POLR3E: variants seen among roughly 807,000 people sequenced by gnomAD.
POLR3E encodes the protein RNA polymerase III subunit E, also known as DNA-directed RNA polymerase III subunit RPC5.
In POLR3E, 41 loss-of-function variants were observed where a neutral mutation model predicts 96.6. That is an observed-to-expected ratio of 0.42 (90% CI 0.33 to 0.55). The LOEUF (loss-of-function observed/expected upper bound fraction) is 0.55. Ranked by LOEUF, POLR3E falls within the 20% of genes least tolerant of loss-of-function variation. The pLI is 0.06. For missense variants in POLR3E, 849 were observed against 952.1 expected (o/e 0.89, Z 1.43); for synonymous variants, 396 against 383.6 (o/e 1.03, Z -0.38).
chr16:22,332,063 C>G lies in POLR3E; in HGVS notation c.1948C>G (p.Arg650Gly). 6.2e-7 allele frequency: 1 copy of G among 1,613,176 alleles called. No individual in the cohort carries two copies. The highest frequency in any genetic ancestry group is 8.5e-7 in the Non-Finnish European group (1 of 1,179,570). Reference protein sequence around the residue: ...WESGDMSDQHRQVLLEIFSKN... With the variant: ...WESGDMSDQHGQVLLEIFSKN... The stretch of plus-strand genomic sequence containing the variant: ...TAACGTGTTTTTGCTACTAAAGCAT[C>G]GACAGGTTTTGCTTGAAATTTTTTC... Residue 650 changes from arginine (R) to glycine (G), a missense_variant, in exon 20 of 21, where the codon CGA becomes GGA. By Grantham distance (125) the Arg-to-Gly change is moderately radical. Coordinates refer to ENST00000299853, the MANE Select transcript of POLR3E (RefSeq NM_018119.4).
chr16:22,298,814 C>A (rs1314563371), intron 1 of POLR3E: 1 of 322,604 alleles, frequency 3.1e-6, no homozygotes, highest in African/African-American at 2.2e-5. Context: ...ATAAAGTATT[C>A]TTTGTACTAT....
chr16:22,305,382 G>A, intron 3 of POLR3E, 176 bp downstream of exon 3: 1 of 705,386 alleles, frequency 1.4e-6, no homozygotes, highest in East Asian at 2.7e-5. Flanking sequence ...TTCAAAGATG[G>A]GAAAACTGAA....
intron 9 of POLR3E, 65 bp downstream of exon 9, chr16:22,315,273 C>CT: frequency 6.7e-7 from 1 of 1,490,414 alleles, no homozygotes; most frequent in African/African-American, 1.4e-5. Flanking sequence ...ATGGTGTGGC[C>CT]TCCGTGTCTC....
Position 22,325,771 on chromosome 16 carries a change from G to A in POLR3E, c.1359G>A (p.Gly453=). 2 of 1,565,422 alleles carry A rather than the reference G, an allele frequency of 1.3e-6. No homozygotes were observed. Among genetic ancestry groups the A allele is most frequent in the Non-Finnish European group, 1.7e-6 (2 of 1,156,540 alleles). Residue 453 remains glycine, a synonymous_variant, in exon 18 of 21, where the codon GGG becomes GGA. Coordinates refer to ENST00000299853, the MANE Select transcript of POLR3E (RefSeq NM_018119.4). ...CCTCCCTCCCCGCAGGGCCTGCCGGGCTGGTCTGTGGGGACCAGCGGATCC... is the reference window on the plus strand; with the variant it reads ...CCTCCCTCCCCGCAGGGCCTGCCGGACTGGTCTGTGGGGACCAGCGGATCC... ...KKPDAQSGPA[G]LVCGDQRIQV... is the part of the protein sequence containing the mutation.
chr16:22,315,895 G>T (rs956169797), intron 9 of POLR3E, among the ~76,000 whole-genome samples: 2 of 152,090 alleles, frequency 1.3e-5, no homozygotes, highest in African/African-American at 4.8e-5. Context: ...TCGAACTCCT[G>T]ATTTCCAAGT....
In POLR3E at chr16:22,308,189, G is replaced by C. The variant is rs749868645; in HGVS notation, c.129G>C (p.Pro43=). ...CCTCGATGACCTACGATGACATTCC[G>C]CACCTCTCAGCCAAGATCAAGCCCA... ...RPASMTYDDI[P]HLSAKIKPKQ... Residue 43 remains proline (P), a synonymous_variant, in exon 4 of 21, where the codon CCG becomes CCC. Coordinates refer to ENST00000299853, the MANE Select transcript of POLR3E (RefSeq NM_018119.4). 6.2e-7 allele frequency: 1 copy of C among 1,613,672 alleles called. No individual in the cohort carries two copies. Among genetic ancestry groups the C allele is most frequent in the East Asian group, 2.2e-5 (1 of 44,860 alleles).
At position 22,317,006 on chromosome 16, in the gene POLR3E, T is replaced by G; in HGVS notation, c.740T>G (p.Met247Arg). 6.2e-7 allele frequency: 1 copy of G among 1,614,152 alleles called. No homozygotes were observed. The highest frequency in any genetic ancestry group is 2.2e-5 in the East Asian group (1 of 44,872). Residue 247 changes from methionine (M) to arginine (R), a missense_variant, in exon 11 of 21, where the codon ATG becomes AGG. Transcript: ENST00000299853. The part of the protein sequence containing the change: ...ELVKSPSEYL[M>R]MLMPPSQEEE... ...CCATGTCCCTGCAGTGAGTACCTGA[T>G]GATGCTGATGCCACCCAGCCAGGAG...
chr16:22,300,164 A>AT (rs1452551151), intron 1 of POLR3E, among the ~76,000 whole-genome samples: 1 of 152,180 alleles, frequency 6.6e-6, no homozygotes, highest in East Asian at 1.9e-4. Flanking sequence ...TGAAGCTAGC[A>AT]TTTTTTGTTT....
At chr16:22,317,235 G>A (rs1431292884) in intron 12 of POLR3E, 29 bp downstream of exon 12, 12 of 1,562,246 alleles carry the variant, frequency 7.7e-6, no homozygotes, top group Non-Finnish European at 9.7e-6. Flanking sequence ...CCCACCCGGG[G>A]GCCCCAGTCC....
rs1007108996 is a variant in POLR3E at position 22,299,450 on chromosome 16, G to A, written c.-39+1913G>A. On this transcript the variant is annotated intron_variant, in intron 1 of 20. Transcript: ENST00000299853. ...TTTTTTTGAGATGGAGTCTTGTTCC[G>A]TTGCCCAGACTAGAGTGCAGTGGCA... is the stretch of plus-strand genomic sequence containing the variant. Among the ~76,000 whole-genome samples, 12 of 134,724 alleles carry A rather than the reference G, an allele frequency of 8.9e-5. 1 individual carries two copies. In the South Asian group the frequency reaches 2.7e-3, roughly 30 times the overall value. The allele number at this position is 134,724 out of a possible 152,430, so 88.4% of individuals were successfully genotyped here. A position where few individuals can be genotyped will look rare whatever the true frequency, so the allele number is the denominator to read the frequency against.
At chr16:22,328,481 C>G (rs921666950) in intron 18 of POLR3E, 29 bp from the exon 19 acceptor site, 2 of 1,590,508 alleles carry the variant, frequency 1.3e-6, no homozygotes, top group Non-Finnish European at 1.7e-6. Flanking sequence ...TAGAGATGGA[C>G]AAGCAACTCA....
rs765653473 is a variant in POLR3E, at chr16:22,326,410, T to G, written c.1866+132T>G. 5.2e-6 allele frequency: 4 copies of G among 769,882 alleles called. No homozygotes were observed. The South Asian group carries it at 6.1e-5, about 12-fold the overall frequency. The allele number at this position is 769,882 out of a possible 1,614,324, so 47.7% of individuals were successfully genotyped here. The stretch of plus-strand genomic sequence containing the variant: ...CTCTCACGTGGGCCTAGGTGTGACA[T>G]GGGCAAGTCAGCCTCTCTGAGGCTC... On this transcript the variant is annotated intron_variant, in intron 18 of 20. Coordinates refer to ENST00000299853, the MANE Select transcript of POLR3E (RefSeq NM_018119.4).
chr16:22,304,766 G>T (rs1376069923), intron 2 of POLR3E, among the ~76,000 whole-genome samples: 1 of 152,182 alleles, frequency 6.6e-6, no homozygotes, highest in Non-Finnish European at 1.5e-5. Context: ...TCCAGGAGGG[G>T]CAGGTGGAGG....
intron 18 of POLR3E, chr16:22,327,755 G>A (rs1237161298): frequency 6.6e-6 from 1 of 152,252 alleles, no homozygotes; most frequent in African/African-American, 2.4e-5. Context: ...TTAGCTGTGT[G>A]ACCATGGACA....
intron 17 of POLR3E, 49 bp from the exon 18 acceptor site, chr16:22,325,712 G>A: frequency 6.6e-7 from 1 of 1,505,004 alleles, no homozygotes; most frequent in South Asian, 1.4e-5. Context: ...TGGGCTTTTG[G>A]CTTCAGATCC....
intron 1 of POLR3E, among the ~76,000 whole-genome samples, chr16:22,298,583 T>G (rs1248200500): frequency 2.0e-5 from 3 of 152,116 alleles, no homozygotes; most frequent in Non-Finnish European, 4.4e-5. Flanking sequence ...ACAGTTTTGT[T>G]CTCGGGTCCA....
At chr16:22,333,622 T>C (rs2048789587) in intron 20 of POLR3E, 22 bp from the exon 21 acceptor site, 1 of 1,585,888 alleles carries the variant, frequency 6.3e-7, no homozygotes, top group Non-Finnish European at 8.7e-7. Context: ...AAATCTGTGC[T>C]TACCCTGTTT....
intron 18 of POLR3E, chr16:22,326,606 T>C (rs906677582): frequency 2.2e-6 from 1 of 444,852 alleles, no homozygotes; most frequent in Admixed American, 3.7e-5. Flanking sequence ...TGTTTCCTAC[T>C]AGCTTTGCCA....
chr16:22,325,135 GGTT>G, intron 16 of POLR3E, 67 bp from the exon 17 acceptor site: 2 of 1,194,628 alleles, frequency 1.7e-6, no homozygotes, highest in Non-Finnish European at 2.5e-6. Context: ...CCTAAGGGGT[GGTT>G]GTTTCTCTTG....
Sources: allele counts gnomAD v4.1 joint callset (sites outside exome capture counted in the v4.1 genomes callset), GRCh38; gene constraint gnomAD v4.1.1; transcripts MANE v1.5; gene names NCBI Gene and HGNC (gene_info 2026-07-23, HGNC 2026-07-21).